The following KCNIP4 variants were observed in gnomAD, a reference collection of about 807,000 sequenced individuals.
KCNIP4 encodes the protein potassium voltage-gated channel interacting protein 4.
KCNIP4 carries 12 observed loss-of-function variants against 34.0 expected under a neutral mutation model. The ratio of observed to expected loss-of-function variants is 0.35; its 90% CI spans 0.23 to 0.57. KCNIP4 has a LOEUF of 0.57. Among genes scored for constraint, KCNIP4 ranks in the 20% least tolerant of loss-of-function variants. KCNIP4 has a pLI of 0.83. For missense variants in KCNIP4, 238 were observed against 311.7 expected (o/e 0.76, Z 1.78); for synonymous variants, 124 against 102.2 (o/e 1.21, Z -1.29).
At chr4:20,925,783 G>T (rs531969065) in intron 1 of KCNIP4, among the ~76,000 whole-genome samples, 1 of 152,224 alleles carries the variant, frequency 6.6e-6, no homozygotes. Context: ...TACGTGGCAG[G>T]AGGACACAAA....
At chr4:21,837,532 C>CAAAAAAA (rs60449238) in intron 1 of KCNIP4, among the ~76,000 whole-genome samples, 1 of 78,522 alleles carries the variant, frequency 1.3e-5, no homozygotes, top group Non-Finnish European at 2.2e-5. Context: ...AAAACGCTGT[C>CAAAAAAA]AAAAAAAAAA....
chr4:21,135,618 A>G (rs1445023184), intron 1 of KCNIP4, among the ~76,000 whole-genome samples: 1 of 152,352 alleles, frequency 6.6e-6, no homozygotes, highest in South Asian at 2.1e-4. Flanking sequence ...TAAAGATTAA[A>G]TCTACATATA....
At chr4:21,253,395 TTGA>T (rs537149137) in intron 1 of KCNIP4, among the ~76,000 whole-genome samples, 2 of 152,214 alleles carry the variant, frequency 1.3e-5, no homozygotes, top group South Asian at 4.1e-4. Flanking sequence ...CAGTAGGTTA[TTGA>T]TGACATCATG....
chr4:21,900,158 T>A (rs916901404), intron 1 of KCNIP4, among the ~76,000 whole-genome samples: 1 of 152,188 alleles, frequency 6.6e-6, no homozygotes, highest in South Asian at 2.1e-4. Context: ...ATATTTCAAA[T>A]GTGAAAACAT....
intron 8 of KCNIP4, 41 bp downstream of exon 8, chr4:20,731,965 A>G: frequency 1.2e-6 from 2 of 1,610,682 alleles, no homozygotes; most frequent in Middle Eastern, 1.9e-4. Context: ...TTTAGCTGTT[A>G]TGATAGCTGA....
At chr4:20,939,207 C>G (rs1731382713) in intron 1 of KCNIP4, among the ~76,000 whole-genome samples, 1 of 152,206 alleles carries the variant, frequency 6.6e-6, no homozygotes, top group Middle Eastern at 3.4e-3. Flanking sequence ...TCCTTGATCT[C>G]ACTCCATAGG....
intron 1 of KCNIP4, among the ~76,000 whole-genome samples, chr4:21,389,222 C>G (rs892268256): frequency 2.0e-5 from 3 of 152,040 alleles, no homozygotes; most frequent in Non-Finnish European, 2.9e-5. Context: ...CTCAAGCAAT[C>G]CATCTGCCTC....
intron 1 of KCNIP4, among the ~76,000 whole-genome samples, chr4:21,736,081 G>A (rs1715972199): frequency 6.6e-6 from 1 of 152,164 alleles, no homozygotes; most frequent in African/African-American, 2.4e-5. Flanking sequence ...TTAATGTGGT[G>A]ACTGTGGAAG....
At chr4:20,910,394 C>T (rs1728218815) in intron 1 of KCNIP4, among the ~76,000 whole-genome samples, 1 of 152,106 alleles carries the variant, frequency 6.6e-6, no homozygotes, top group Non-Finnish European at 1.5e-5. Context: ...TCTCAAGCAT[C>T]ATTACCCAAC....
At chr4:21,680,251 C>A (rs934388030) in intron 1 of KCNIP4, among the ~76,000 whole-genome samples, 1 of 152,312 alleles carries the variant, frequency 6.6e-6, no homozygotes, top group South Asian at 2.1e-4. Context: ...AAACCACTTT[C>A]TTTACTCACC....
At chr4:21,900,287 T>C (rs557292668) in intron 1 of KCNIP4, among the ~76,000 whole-genome samples, 5 of 152,206 alleles carry the variant, frequency 3.3e-5, no homozygotes, top group Admixed American at 6.5e-5. Context: ...TCGGAGGCAC[T>C]TCAATTTAAC....
chr4:21,686,736 T>G (rs1410142408), intron 1 of KCNIP4, among the ~76,000 whole-genome samples: 1 of 152,112 alleles, frequency 6.6e-6, no homozygotes, highest in Non-Finnish European at 1.5e-5. Flanking sequence ...AACAGAACCA[T>G]AACACAGATT....
intron 1 of KCNIP4, among the ~76,000 whole-genome samples, chr4:21,458,452 A>T (rs997850643): frequency 6.6e-6 from 1 of 151,912 alleles, no homozygotes; most frequent in Non-Finnish European, 1.5e-5. Flanking sequence ...TGCAATAAAC[A>T]TACGTGTGCA....
intron 1 of KCNIP4, among the ~76,000 whole-genome samples, chr4:21,195,809 T>C (rs983299374): frequency 6.6e-6 from 1 of 152,140 alleles, no homozygotes; most frequent in African/African-American, 2.4e-5. Flanking sequence ...TTGCAACTTC[T>C]TTCCGCCCAA....
intron 1 of KCNIP4, among the ~76,000 whole-genome samples, chr4:21,764,488 AT>A (rs1156536952): frequency 3.9e-5 from 6 of 152,176 alleles, no homozygotes; most frequent in African/African-American, 1.2e-4. Context: ...AAATATTTAT[AT>A]AAAAATGAAA....
chr4:21,469,887 A>G (rs1730316566), intron 1 of KCNIP4, among the ~76,000 whole-genome samples: 1 of 152,218 alleles, frequency 6.6e-6, no homozygotes, highest in Non-Finnish European at 1.5e-5. Flanking sequence ...TTCATGTGTT[A>G]CTACACAACA....
At chr4:21,898,796 T>C (rs1727548383) in intron 1 of KCNIP4, among the ~76,000 whole-genome samples, 1 of 152,106 alleles carries the variant, frequency 6.6e-6, no homozygotes. Flanking sequence ...GTCTTATAGC[T>C]TGGGTACCAG....
chr4:21,630,678 T>A (rs144615478), intron 1 of KCNIP4, among the ~76,000 whole-genome samples: 1 of 152,262 alleles, frequency 6.6e-6, no homozygotes, highest in African/African-American at 2.4e-5. Context: ...GCAGATACGA[T>A]GATTGAAAAC....
chr4:20,796,921 A>C (rs144469837), intron 3 of KCNIP4, among the ~76,000 whole-genome samples: 3,256 of 152,326 alleles, frequency 0.021, 34 homozygotes, highest in Non-Finnish European at 0.027. Flanking sequence ...AATAAACAAC[A>C]GTTACTTTCC....
Sources: gnomAD v4.1 joint callset for allele counts (sites outside exome capture counted in the v4.1 genomes callset) on GRCh38, gnomAD v4.1.1 for gene constraint, MANE v1.5 for transcripts, NCBI Gene and HGNC (gene_info 2026-07-23, HGNC 2026-07-21) for gene names.